OPCML: variants seen among roughly 807,000 people sequenced by gnomAD.
The protein encoded by OPCML is opioid-binding protein/cell adhesion molecule.
OPCML carries 13 observed loss-of-function variants against 37.8 expected under a neutral mutation model. The ratio of observed to expected loss-of-function variants is 0.34; its 90% confidence interval spans 0.22 to 0.55. The LOEUF is 0.55. OPCML is among the 20% of genes least tolerant of loss of function. The pLI is 0.91. For missense variants in OPCML, 341 were observed against 435.6 expected (o/e 0.78, Z 1.93); for synonymous variants, 176 against 168.8 (o/e 1.04, Z -0.33).
intron 2 of OPCML, among the ~76,000 whole-genome samples, chr11:132,843,493 A>G (rs185049225): frequency 2.4e-3 from 364 of 152,284 alleles, no homozygotes; most frequent in African/African-American, 7.9e-3. Flanking sequence ...AAACTGATAC[A>G]TACCCAAGAA....
chr11:133,186,061 C>T (rs560426555), intron 1 of OPCML, among the ~76,000 whole-genome samples: 2 of 151,976 alleles, frequency 1.3e-5, no homozygotes, highest in Non-Finnish European at 2.9e-5. Context: ...TAGCCTCCAT[C>T]CTTTGTAGTT....
intron 4 of OPCML, among the ~76,000 whole-genome samples, chr11:132,478,744 T>C (rs2096166510): frequency 6.6e-6 from 1 of 152,206 alleles, no homozygotes; most frequent in South Asian, 2.1e-4. Context: ...GTGGTCATTC[T>C]TTGGCTTCTA....
intron 2 of OPCML, among the ~76,000 whole-genome samples, chr11:132,734,175 T>G (rs1391529029): frequency 6.6e-6 from 1 of 152,140 alleles, no homozygotes; most frequent in Non-Finnish European, 1.5e-5. Flanking sequence ...ACAATGGAGC[T>G]TCAGATTTTA....
chr11:132,911,794 G>T (rs906059303), intron 2 of OPCML, among the ~76,000 whole-genome samples: 1 of 152,158 alleles, frequency 6.6e-6, no homozygotes, highest in African/African-American at 2.4e-5. Flanking sequence ...TGTAGTTACA[G>T]CTCTGTGTAT....
rs114511970 is a variant in OPCML, at chr11:133,485,692, T to C, written c.61+46572A>G. Among the ~76,000 whole-genome samples the C allele has an allele frequency of 4.3e-3, 659 of 152,308 alleles. 7 individuals carry two copies. Among genetic ancestry groups the C allele is most frequent in the African/African-American group, 0.015 (628 of 41,574 alleles). On this transcript the variant is annotated intron_variant, in intron 1 of 7. Coordinates refer to ENST00000524381, the MANE Select transcript of OPCML (RefSeq NM_001012393.5). ...TCCATCTGCATTATTCTGGGTTCCA[T>C]ATATGCAAATCCACCTACTTGCTAA... is the stretch of plus-strand genomic sequence containing the variant.
intron 1 of OPCML, among the ~76,000 whole-genome samples, chr11:133,199,372 TTTTG>T (rs1490122972): frequency 2.0e-5 from 3 of 152,202 alleles, no homozygotes; most frequent in Non-Finnish European, 2.9e-5. Flanking sequence ...ATAAATTATT[TTTTG>T]TTTTTTAGTT....
rs1488061329 is a variant in OPCML at position 132,998,786 on chromosome 11, G to C, written c.62-55776C>G. On this transcript the variant is annotated intron_variant, in intron 1 of 7. Coordinates refer to ENST00000524381, the MANE Select transcript of OPCML (RefSeq NM_001012393.5). ...ACACCTCACCCTATCTGCCATGTGA[G>C]AATAGTGACAAAATGCCATCTATGA... is the stretch of plus-strand genomic sequence containing the variant. Among the ~76,000 whole-genome samples, 3 of 152,162 alleles carry C rather than the reference G, an allele frequency of 2.0e-5. No individual in the cohort carries two copies. In the East Asian group the frequency reaches 5.8e-4, roughly 29 times the overall value.
intron 2 of OPCML, among the ~76,000 whole-genome samples, chr11:132,678,130 T>C (rs888530886): frequency 7.2e-5 from 11 of 152,280 alleles, no homozygotes; most frequent in African/African-American, 2.6e-4. Context: ...AGATGGCAAG[T>C]AAGCATCTGA....
At chr11:132,978,959 G>A (rs997732701) in intron 1 of OPCML, among the ~76,000 whole-genome samples, 8 of 151,962 alleles carry the variant, frequency 5.3e-5, no homozygotes, top group Non-Finnish European at 8.8e-5. Context: ...ATGTCATCCC[G>A]TTCCCAACTC....
At chr11:133,439,308 T>C (rs1254861595) in intron 1 of OPCML, 1 of 976,838 alleles carries the variant, frequency 1.0e-6, no homozygotes, top group Non-Finnish European at 1.2e-6. Flanking sequence ...TTTTTTTTTT[T>C]AAAGCCAACC....
chr11:132,551,043 C>T (rs74210648), intron 3 of OPCML, among the ~76,000 whole-genome samples: 10,863 of 152,214 alleles, frequency 0.071, 769 homozygotes, highest in African/African-American at 0.17. Flanking sequence ...TTCCTGGATG[C>T]GCCTTACCCT....
At chr11:133,450,991 T>C (rs558010560) in intron 1 of OPCML, among the ~76,000 whole-genome samples, 1 of 151,922 alleles carries the variant, frequency 6.6e-6, no homozygotes, top group East Asian at 1.9e-4. Context: ...TATATATGTA[T>C]ATGCAATCTA....
chr11:133,490,553 A>G (rs1591558191), intron 1 of OPCML, among the ~76,000 whole-genome samples: 1 of 152,346 alleles, frequency 6.6e-6, no homozygotes, highest in East Asian at 1.9e-4. Flanking sequence ...AAGAAAAGGC[A>G]AATATGCTTC....
At chr11:132,677,242 G>A (rs1942749808) in intron 2 of OPCML, among the ~76,000 whole-genome samples, 1 of 152,046 alleles carries the variant, frequency 6.6e-6, no homozygotes, top group African/African-American at 2.4e-5. Context: ...TGAACAAAAT[G>A]AAAGATGAAC....
At chr11:132,717,087 A>T (rs1321867324) in intron 2 of OPCML, among the ~76,000 whole-genome samples, 1 of 152,160 alleles carries the variant, frequency 6.6e-6, no homozygotes, top group Non-Finnish European at 1.5e-5. Flanking sequence ...ACAAATAAAA[A>T]ATAAAATAAC....
intron 2 of OPCML, among the ~76,000 whole-genome samples, chr11:132,683,809 G>C (rs934526733): frequency 1.3e-5 from 2 of 152,032 alleles, no homozygotes; most frequent in African/African-American, 4.8e-5. Context: ...AGGGACCTTG[G>C]GCAAGGGACC....
chr11:132,782,939 A>ATG (rs1273176113), intron 2 of OPCML, among the ~76,000 whole-genome samples: 2 of 146,622 alleles, frequency 1.4e-5, no homozygotes, highest in Admixed American at 6.9e-5. Context: ...ATATATATAT[A>ATG]TATATATGTA....
At chr11:133,476,186 G>T (rs1947233989) in intron 1 of OPCML, among the ~76,000 whole-genome samples, 1 of 152,100 alleles carries the variant, frequency 6.6e-6, no homozygotes, top group Non-Finnish European at 1.5e-5. Flanking sequence ...CAACATACAG[G>T]CTCATCCTCT....
chr11:133,458,298 A>G lies in OPCML; in HGVS notation c.61+73966T>C, dbSNP rs1263075771. ...TACACACATATATACACGTGTGTGT[A>G]TATATATACACATATATACACGTGT... On this transcript the variant is annotated intron_variant, in intron 1 of 7. Transcript: ENST00000524381. Among the ~76,000 whole-genome samples the G allele has an allele frequency of 6.2e-5, 3 of 48,512 alleles. 1 individual carries two copies. The highest frequency in any genetic ancestry group is 9.7e-5 in the Non-Finnish European group (3 of 30,798). The allele number at this position is 48,512 out of a possible 152,430, so 31.8% of individuals were successfully genotyped here.
Sources: allele counts gnomAD v4.1 joint callset (sites outside exome capture counted in the v4.1 genomes callset), GRCh38; gene constraint gnomAD v4.1.1; transcripts MANE v1.5; gene names NCBI Gene and HGNC (gene_info 2026-07-23, HGNC 2026-07-21).